The following CFDP1 variants were observed in gnomAD, a reference collection of about 807,000 sequenced individuals.
The protein encoded by CFDP1 is heterochromatin-stabilizing protein CFDP1.
A neutral mutation model predicts 40.1 loss-of-function variants in CFDP1; 31 were observed. The ratio of observed to expected loss-of-function variants is 0.77; its 90% confidence interval spans 0.58 to 1.04. The LOEUF (loss-of-function observed/expected upper bound fraction) is 1.04, where lower values mean the gene tolerates loss of function less well. Among genes scored for constraint, CFDP1 ranks in the 50% least tolerant of loss-of-function variants. The pLI, the probability that CFDP1 is intolerant of heterozygous loss-of-function variation, is 0.00. For synonymous variants in CFDP1, 167 were observed against 120.0 expected, an observed-to-expected ratio of 1.39 and a Z score of -2.56; for missense variants, 423 against 343.4, an observed-to-expected ratio of 1.23 and a Z score of -1.83.
intron 1 of CFDP1, among the ~76,000 whole-genome samples, chr16:75,422,104 T>C (rs1231708062): frequency 6.6e-6 from 1 of 152,128 alleles, no homozygotes; most frequent in Non-Finnish European, 1.5e-5. Flanking sequence ...TCTCTCTCTC[T>C]CTTTTTTTTG....
At chr16:75,432,923 G>C (rs1262691968) in intron 1 of CFDP1, among the ~76,000 whole-genome samples, 6 of 152,174 alleles carry the variant, frequency 3.9e-5, no homozygotes, top group African/African-American at 7.2e-5. Context: ...CAGCTCTCTC[G>C]GGCCAGGGCT....
chr16:75,345,317 CATGGTGG>C (rs1184238071), intron 5 of CFDP1, among the ~76,000 whole-genome samples: 1 of 152,088 alleles, frequency 6.6e-6, no homozygotes, highest in Non-Finnish European at 1.5e-5. Flanking sequence ...ATTAGCTGGG[CATGGTGG>C]TACATGCCTG....
chr16:75,353,333 A>T (rs1167609368), intron 5 of CFDP1, among the ~76,000 whole-genome samples: 1 of 152,236 alleles, frequency 6.6e-6, no homozygotes, highest in East Asian at 1.9e-4. Flanking sequence ...AAAAGAAGAG[A>T]TACATACTGA....
chr16:75,368,274 G>A (rs551187504), intron 5 of CFDP1, among the ~76,000 whole-genome samples: 1 of 152,122 alleles, frequency 6.6e-6, no homozygotes, highest in Non-Finnish European at 1.5e-5. Context: ...AATGGTAATT[G>A]CTTTTAAAAG....
intron 4 of CFDP1, among the ~76,000 whole-genome samples, chr16:75,403,651 C>A (rs1194756663): frequency 6.6e-6 from 1 of 152,142 alleles, no homozygotes. Flanking sequence ...AAAAAGACTT[C>A]AAAAAACTTT....
intron 5 of CFDP1, among the ~76,000 whole-genome samples, chr16:75,367,580 G>A (rs1046082176): frequency 6.6e-6 from 1 of 151,846 alleles, no homozygotes; most frequent in Non-Finnish European, 1.5e-5. Context: ...ATCACCTGAG[G>A]ATAGGAGTTC....
At chr16:75,299,451 C>T (rs1006848979) in intron 6 of CFDP1, among the ~76,000 whole-genome samples, 7 of 150,534 alleles carry the variant, frequency 4.7e-5, no homozygotes, top group Non-Finnish European at 8.9e-5. Context: ...AAAAATTAGC[C>T]GGGTGTGGTG....
intron 1 of CFDP1, among the ~76,000 whole-genome samples, chr16:75,418,013 G>T (rs1002428662): frequency 2.0e-5 from 3 of 151,952 alleles, no homozygotes; most frequent in Non-Finnish European, 2.9e-5. Context: ...CAGCACTTTG[G>T]GAGGCTGAGG....
At chr16:75,407,256 T>A (rs1227291909) in intron 4 of CFDP1, among the ~76,000 whole-genome samples, 1 of 152,096 alleles carries the variant, frequency 6.6e-6, no homozygotes, top group Non-Finnish European at 1.5e-5. Flanking sequence ...AGAAAGCAAT[T>A]TAACATGTTT....
chr16:75,401,086 G>C (rs1340032943), intron 4 of CFDP1, among the ~76,000 whole-genome samples: 1 of 151,994 alleles, frequency 6.6e-6, no homozygotes, highest in Non-Finnish European at 1.5e-5. Flanking sequence ...GTGAGGTCAG[G>C]AGTTCCAGAC....
intron 5 of CFDP1, among the ~76,000 whole-genome samples, chr16:75,313,535 G>C (rs946301720): frequency 6.6e-6 from 1 of 152,182 alleles, no homozygotes; most frequent in African/African-American, 2.4e-5. Flanking sequence ...TGCCATGTTG[G>C]CCAGGCTGGT....
At chr16:75,328,188 T>C (rs1167296166) in intron 5 of CFDP1, among the ~76,000 whole-genome samples, 2 of 150,618 alleles carry the variant, frequency 1.3e-5, no homozygotes, top group Non-Finnish European at 3.0e-5. Context: ...CTCACTATGT[T>C]GCCCAGGCTG....
intron 5 of CFDP1, among the ~76,000 whole-genome samples, chr16:75,335,807 C>T (rs1395000824): frequency 6.6e-6 from 1 of 152,100 alleles, no homozygotes; most frequent in Non-Finnish European, 1.5e-5. Context: ...CCGCCCGCCT[C>T]GGCCTCCCAA....
intron 4 of CFDP1, among the ~76,000 whole-genome samples, chr16:75,406,898 G>A (rs1047240589): frequency 6.6e-6 from 1 of 152,084 alleles, no homozygotes; most frequent in East Asian, 1.9e-4. Flanking sequence ...GCAGATGCCT[G>A]TAATCCCAAC....
chr16:75,390,709 G>C (rs1168361344), intron 5 of CFDP1, among the ~76,000 whole-genome samples: 2 of 152,202 alleles, frequency 1.3e-5, no homozygotes, highest in Admixed American at 6.5e-5. Flanking sequence ...AAACAGATCT[G>C]GGTATTTATT....
intron 6 of CFDP1, among the ~76,000 whole-genome samples, chr16:75,300,791 CT>C (rs370456557): frequency 0.024 from 3,598 of 147,130 alleles, 78 homozygotes; most frequent in African/African-American, 0.06. Context: ...GCAGGGGATA[CT>C]TTTTTTTTTT....
intron 5 of CFDP1, among the ~76,000 whole-genome samples, chr16:75,326,419 C>G (rs2078401618): frequency 6.6e-6 from 1 of 152,160 alleles, no homozygotes. Context: ...TCAGAATCTG[C>G]CAGAAAGAAT....
At chr16:75,383,634 T>C (rs1357035746) in intron 5 of CFDP1, among the ~76,000 whole-genome samples, 2 of 151,724 alleles carry the variant, frequency 1.3e-5, no homozygotes, top group African/African-American at 4.8e-5. Flanking sequence ...TCCTTGCCAA[T>C]ATGGTGAAAC....
intron 1 of CFDP1, among the ~76,000 whole-genome samples, chr16:75,426,743 A>G (rs555495694): frequency 3.7e-4 from 56 of 152,258 alleles, no homozygotes; most frequent in African/African-American, 1.3e-3. Flanking sequence ...CACAGAGACA[A>G]AACACTGCAA....
Sources: gnomAD v4.1 joint callset for allele counts (sites outside exome capture counted in the v4.1 genomes callset) on GRCh38, gnomAD v4.1.1 for gene constraint, MANE v1.5 for transcripts, NCBI Gene and HGNC (gene_info 2026-07-23, HGNC 2026-07-21) for gene names.